The following CSMD1 variants were observed in gnomAD, a reference collection of about 807,000 sequenced individuals.
CSMD1 encodes CUB and sushi domain-containing protein 1.
A neutral mutation model predicts 417.5 loss-of-function variants in CSMD1; 213 were observed. That is an observed-to-expected ratio of 0.51 (90% CI 0.46 to 0.57). The LOEUF is 0.57. Among genes scored for constraint, CSMD1 ranks in the 20% least tolerant of loss-of-function variants. The pLI is 0.00. For missense variants in CSMD1, 6,923 were observed against 4,529.7 expected, an observed-to-expected ratio of 1.53 and a Z score of -15.17; for synonymous variants, 2,862 against 1,736.8, an observed-to-expected ratio of 1.65 and a Z score of -16.11.
intron 2 of CSMD1, among the ~76,000 whole-genome samples, chr8:4,623,650 A>C (rs554910993): frequency 1.3e-5 from 2 of 152,296 alleles, no homozygotes; most frequent in South Asian, 4.1e-4. Context: ...TTAACCATAA[A>C]AAATGTACCA....
rs1040900395 is a variant in CSMD1, at chr8:4,139,014, G to C, written c.416-106915C>G. Among the ~76,000 whole-genome samples the C allele has an allele frequency of 2.6e-5, 4 of 151,944 alleles. No individual in the cohort carries two copies. The South Asian group carries it at 6.2e-4, about 24-fold the overall frequency. On this transcript the variant is annotated intron_variant, in intron 3 of 69. Coordinates refer to ENST00000635120, the MANE Select transcript of CSMD1 (RefSeq NM_033225.6). ...TTGACTGTACGGCCACATGCAGAAA[G>C]GACATATGCTGCATGTTTCAGCACC...
intron 2 of CSMD1, among the ~76,000 whole-genome samples, chr8:4,427,656 C>G (rs760949525): frequency 2.0e-5 from 3 of 152,066 alleles, no homozygotes; most frequent in African/African-American, 7.2e-5. Flanking sequence ...TATACGTTAA[C>G]TTTTGGCCTC....
At chr8:4,780,764 T>C (rs1455109719) in intron 1 of CSMD1, among the ~76,000 whole-genome samples, 1 of 152,136 alleles carries the variant, frequency 6.6e-6, no homozygotes, top group Non-Finnish European at 1.5e-5. Flanking sequence ...TGTATCATTT[T>C]TATGCCTTTG....
intron 25 of CSMD1, among the ~76,000 whole-genome samples, chr8:3,291,385 A>G (rs1315773720): frequency 6.6e-6 from 1 of 152,162 alleles, no homozygotes; most frequent in East Asian, 1.9e-4. Context: ...TGATTGGAAT[A>G]ATTGAATAAG....
chr8:4,742,258 C>T (rs1029095549), intron 1 of CSMD1, among the ~76,000 whole-genome samples: 3 of 151,410 alleles, frequency 2.0e-5, no homozygotes, highest in Non-Finnish European at 2.9e-5. Context: ...TCTCGATCTC[C>T]TGACCTCATG....
intron 3 of CSMD1, among the ~76,000 whole-genome samples, chr8:4,331,103 G>C (rs763073179): frequency 1.3e-5 from 2 of 152,058 alleles, no homozygotes; most frequent in Non-Finnish European, 2.9e-5. Context: ...ACATATAATA[G>C]CAAAATGAAA....
intron 8 of CSMD1, among the ~76,000 whole-genome samples, chr8:3,608,340 G>T (rs1322471946): frequency 6.6e-6 from 1 of 152,132 alleles, no homozygotes; most frequent in East Asian, 1.9e-4. Context: ...CCACATTGTG[G>T]AAGAAAAGAG....
intron 1 of CSMD1, among the ~76,000 whole-genome samples, chr8:4,759,262 A>G (rs1383228560): frequency 6.6e-6 from 1 of 152,166 alleles, no homozygotes; most frequent in Non-Finnish European, 1.5e-5. Flanking sequence ...GACTGCCCTC[A>G]GGAAGGATGC....
intron 3 of CSMD1, among the ~76,000 whole-genome samples, chr8:4,278,903 C>A (rs529065193): frequency 6.6e-6 from 1 of 152,174 alleles, no homozygotes; most frequent in Admixed American, 6.5e-5. Context: ...AGGATAACTT[C>A]TCTGAAAGTA....
chr8:4,373,236 C>T (rs977125025), intron 3 of CSMD1, among the ~76,000 whole-genome samples: 3 of 152,130 alleles, frequency 2.0e-5, no homozygotes, highest in Non-Finnish European at 4.4e-5. Flanking sequence ...ACTACCCCAG[C>T]CAAGAGGAGC....
chr8:4,505,542 CATATACT>C (rs1325485150), intron 2 of CSMD1, among the ~76,000 whole-genome samples: 1 of 152,114 alleles, frequency 6.6e-6, no homozygotes, highest in Non-Finnish European at 1.5e-5. Flanking sequence ...TCTTGATATT[CATATACT>C]ATCAAAATAA....
chr8:4,921,465 T>C (rs547732323), intron 1 of CSMD1, among the ~76,000 whole-genome samples: 6 of 152,354 alleles, frequency 3.9e-5, no homozygotes, highest in Non-Finnish European at 2.9e-5. Context: ...GTCTTTATAC[T>C]GTCCCCTGAA....
intron 5 of CSMD1, among the ~76,000 whole-genome samples, chr8:3,966,389 C>G (rs1338079929): frequency 3.9e-5 from 6 of 152,112 alleles, no homozygotes; most frequent in Admixed American, 2.0e-4. Flanking sequence ...GTCTTGAAAA[C>G]AATTCTGATA....
chr8:4,017,387 C>T (rs946622335), intron 4 of CSMD1, among the ~76,000 whole-genome samples: 1 of 152,174 alleles, frequency 6.6e-6, no homozygotes, highest in Non-Finnish European at 1.5e-5. Context: ...CTCACTACAA[C>T]CTCCGCCTCC....
intron 3 of CSMD1, among the ~76,000 whole-genome samples, chr8:4,165,893 G>A (rs1344057080): frequency 1.3e-5 from 2 of 152,168 alleles, no homozygotes; most frequent in Non-Finnish European, 2.9e-5. Context: ...ACCAACCTGT[G>A]CCTAGCACAG....
chr8:3,331,477 C>T (rs2117542366), intron 23 of CSMD1, among the ~76,000 whole-genome samples: 1 of 152,304 alleles, frequency 6.6e-6, no homozygotes, highest in Admixed American at 6.5e-5. Flanking sequence ...TTGGATTATA[C>T]TAACAGGGTT....
intron 5 of CSMD1, among the ~76,000 whole-genome samples, chr8:3,763,634 A>G (rs762048463): frequency 6.6e-6 from 1 of 152,118 alleles, no homozygotes; most frequent in Non-Finnish European, 1.5e-5. Flanking sequence ...TAAATTACCC[A>G]GTCTCAAGTA....
At chr8:4,571,260 C>A (rs906005464) in intron 2 of CSMD1, among the ~76,000 whole-genome samples, 1 of 152,182 alleles carries the variant, frequency 6.6e-6, no homozygotes, top group Admixed American at 6.6e-5. Flanking sequence ...ATCTTTCCTG[C>A]TTTCTCATGT....
intron 27 of CSMD1, 56 bp downstream of exon 27, chr8:3,229,984 A>G: frequency 7.9e-7 from 1 of 1,266,864 alleles, no homozygotes; most frequent in Admixed American, 2.6e-5. Flanking sequence ...AGCGCTTTTA[A>G]CGACAACATG....
Sources: allele counts gnomAD v4.1 joint callset (sites outside exome capture counted in the v4.1 genomes callset), GRCh38; gene constraint gnomAD v4.1.1; transcripts MANE v1.5; gene names NCBI Gene and HGNC (gene_info 2026-07-23, HGNC 2026-07-21).